Variants in TANC1 observed in about 807,000 individuals in gnomAD.
TANC1 encodes tetratricopeptide repeat, ankyrin repeat and coiled-coil containing 1.
TANC1 carries 77 observed loss-of-function variants against 149.7 expected under a neutral mutation model. The ratio of observed to expected loss-of-function variants is 0.51; its 90% CI spans 0.43 to 0.62. The LOEUF (loss-of-function observed/expected upper bound fraction) is 0.62, where lower values mean the gene tolerates loss of function less well. TANC1 is among the 20% of genes least tolerant of loss of function. The pLI is 0.00. For synonymous variants in TANC1, 854 were observed against 925.0 expected (o/e 0.92, Z 1.39); for missense variants, 1,985 against 2,321.8 (o/e 0.85, Z 2.98).
In TANC1 at chr2:159,229,786, T is replaced by C; in HGVS notation, c.4360T>C (p.Phe1454Leu). The change falls in exon 27 of 27, where the codon TTT becomes CTT. Residue 1454 changes from phenylalanine (F) to leucine (L), a missense_variant. Around this residue, in one of 3 missense-constraint regions of TANC1, gnomAD observed 920 missense variants for 994.7 expected, o/e 0.92. Transcript: ENST00000263635. ...DTPTPGLSDHFHSEETEEEET... is the reference protein window; with the variant it reads ...DTPTPGLSDHLHSEETEEEET... ...CCCAACCCCTGGCTTAAGTGACCACTTTCACTCTGAGGAGACTGAAGAGGA... is the reference window on the plus strand; with the variant it reads ...CCCAACCCCTGGCTTAAGTGACCACCTTCACTCTGAGGAGACTGAAGAGGA... The C allele has an allele frequency of 6.2e-7, 1 of 1,613,850 alleles. No homozygotes were observed. Among genetic ancestry groups the C allele is most frequent in the East Asian group, 2.2e-5 (1 of 44,852 alleles).
At chr2:158,991,927 T>C (rs1300639019) in intron 1 of TANC1, among the ~76,000 whole-genome samples, 1 of 152,184 alleles carries the variant, frequency 6.6e-6, no homozygotes, top group Admixed American at 6.5e-5. Flanking sequence ...ATGGGGGTTT[T>C]TAGAGTTTTC....
At chr2:159,169,452 T>C in intron 9 of TANC1, 80 bp downstream of exon 9, 1 of 1,411,952 alleles carries the variant, frequency 7.1e-7, no homozygotes, top group Non-Finnish European at 9.9e-7. Context: ...TAACCAGCAT[T>C]GAAGCCAACT....
intron 19 of TANC1, among the ~76,000 whole-genome samples, chr2:159,216,492 T>C (rs2059354464): frequency 6.6e-6 from 1 of 152,156 alleles, no homozygotes; most frequent in African/African-American, 2.4e-5. Context: ...TGGGGTTGTT[T>C]CTGCCACCTC....
At chr2:159,209,470 C>T (rs943506114) in intron 19 of TANC1, among the ~76,000 whole-genome samples, 10 of 152,032 alleles carry the variant, frequency 6.6e-5, no homozygotes, top group African/African-American at 1.9e-4. Flanking sequence ...GAAGGTGGGG[C>T]GGGGAGGCAA....
At position 159,198,595 on chromosome 2, in the gene TANC1, C is replaced by T. The variant is rs148339485; in HGVS notation, c.3166-380C>T. 3.3e-3 allele frequency among the ~76,000 whole-genome samples: 509 copies of T among 152,316 alleles called. 3 individuals carry two copies. The highest frequency in any genetic ancestry group is 6.9e-3 in the East Asian group (36 of 5,192). Reference sequence around the variant, plus strand: ...TGTAAAAATTTGCAAAAACGTATATCGCTTTGTTTTCCTTCCTTGTGAAAA... The same window carrying T: ...TGTAAAAATTTGCAAAAACGTATATTGCTTTGTTTTCCTTCCTTGTGAAAA... On this transcript the variant is annotated intron_variant, in intron 18 of 26. Transcript: ENST00000263635.
At chr2:159,143,416 G>A (rs565469134) in intron 5 of TANC1, among the ~76,000 whole-genome samples, 104 of 151,884 alleles carry the variant, frequency 6.8e-4, no homozygotes, top group Non-Finnish European at 2.9e-5. Context: ...AAAATTCATC[G>A]ATGCAGATTG....
chr2:159,163,795 T>C (rs1335982860), intron 8 of TANC1, among the ~76,000 whole-genome samples: 7 of 150,458 alleles, frequency 4.7e-5, no homozygotes, highest in Admixed American at 2.7e-4. Context: ...TCTTTGTATA[T>C]AAGAGAAGAA....
At chr2:159,161,669 A>T (rs932471164) in intron 7 of TANC1, among the ~76,000 whole-genome samples, 1 of 152,230 alleles carries the variant, frequency 6.6e-6, no homozygotes, top group Admixed American at 6.5e-5. Flanking sequence ...CATACTTGCT[A>T]TGCCTATGTT....
intron 4 of TANC1, among the ~76,000 whole-genome samples, chr2:159,101,354 A>G (rs954782011): frequency 6.6e-6 from 1 of 152,346 alleles, no homozygotes. Context: ...TGTTAATACA[A>G]TTGATGATTA....
chr2:159,060,547 AT>A (rs1368224637), intron 2 of TANC1, among the ~76,000 whole-genome samples: 15 of 152,184 alleles, frequency 9.9e-5, no homozygotes, highest in Non-Finnish European at 1.8e-4. Flanking sequence ...TTCTTTGTCA[AT>A]TATAAACTGC....
At position 159,175,100 on chromosome 2, in the gene TANC1, A is replaced by T. The variant is rs1398954140; in HGVS notation, c.1651A>T (p.Met551Leu). 6.2e-7 allele frequency: 1 copy of T among 1,614,218 alleles called. No homozygotes were observed. Among genetic ancestry groups the T allele is most frequent in the Admixed American group, 1.7e-5 (1 of 60,032 alleles). ...GATAAAGGAGCCCCAACTACAGAGC[A>T]TGCTGAGCCTCCGATCCTGTGTGCA... The part of the protein sequence containing the change: ...LLIKEPQLQS[M>L]LSLRSCVQDP... The change falls in exon 12 of 27, where the codon ATG becomes TTG. Residue 551 changes from methionine (M) to leucine (L), a missense_variant. Physicochemically the swap from Met to Leu is conservative, Grantham distance 15. Transcript: ENST00000263635.
chr2:159,155,492 A>G (rs2053328877), intron 7 of TANC1, among the ~76,000 whole-genome samples: 1 of 152,184 alleles, frequency 6.6e-6, no homozygotes, highest in African/African-American at 2.4e-5. Flanking sequence ...AGTTCCATGA[A>G]GGGAGGGGAC....
At chr2:159,207,295 G>A (rs1459144502) in intron 19 of TANC1, among the ~76,000 whole-genome samples, 1 of 152,198 alleles carries the variant, frequency 6.6e-6, no homozygotes, top group Non-Finnish European at 1.5e-5. Flanking sequence ...CAGTTCCTCA[G>A]AAAAAGAGAA....
chr2:159,230,303 CCA>C lies in TANC1; in HGVS notation c.4880_4881del (p.Thr1627ArgfsTer54). ...CACCCTTTACCAAGTAAGACGAAAA[CCA>C]CAGAGAGGCTTCTGTCTCATTCCTC... is the stretch of plus-strand genomic sequence containing the variant. On this transcript the variant is annotated frameshift_variant, in exon 27 of 27. Coordinates refer to ENST00000263635, the MANE Select transcript of TANC1 (RefSeq NM_033394.3). LOFTEE classifies it high-confidence loss of function. This position sits in a 1 kb window ranked among gnomAD's most constrained non-coding sequence, Gnocchi z 4.4. The C allele has an allele frequency of 6.2e-7, 1 of 1,614,170 alleles. No individual in the cohort carries two copies. Among genetic ancestry groups the C allele is most frequent in the Non-Finnish European group, 8.5e-7 (1 of 1,180,040 alleles).
At chr2:159,197,664 G>A (rs2057963031) in intron 18 of TANC1, among the ~76,000 whole-genome samples, 1 of 151,986 alleles carries the variant, frequency 6.6e-6, no homozygotes, top group African/African-American at 2.4e-5. Flanking sequence ...TGAAAATGTA[G>A]ATGTTTTCCT....
rs116255287 is a variant in TANC1, at chr2:159,006,560, A to G, written c.-16+5371A>G. On this transcript the variant is annotated intron_variant, in intron 2 of 26. Transcript: ENST00000263635. ...TAATTACACATTGTTTACTAAAGCT[A>G]TTTCCATTATAAAATATAGAAAAAC... Among the ~76,000 whole-genome samples the G allele has an allele frequency of 2.8e-3, 432 of 152,280 alleles. 1 individual carries two copies. Among genetic ancestry groups the G allele is most frequent in the African/African-American group, 9.6e-3 (399 of 41,548 alleles).
At chr2:159,039,178 T>G (rs987152478) in intron 2 of TANC1, among the ~76,000 whole-genome samples, 18 of 152,230 alleles carry the variant, frequency 1.2e-4, no homozygotes, top group Non-Finnish European at 2.4e-4. Flanking sequence ...TTTGTATTTC[T>G]GTGTGATCAT....
chr2:159,015,461 T>C (rs560735121), intron 2 of TANC1, among the ~76,000 whole-genome samples: 2 of 152,354 alleles, frequency 1.3e-5, no homozygotes, highest in Non-Finnish European at 2.9e-5. Flanking sequence ...ACCTCTGATA[T>C]GCACTGGAGA....
In TANC1 at chr2:159,230,960, G is replaced by C; in HGVS notation, c.5534G>C (p.Ser1845Thr). The C allele has an allele frequency of 1.9e-6, 3 of 1,614,072 alleles. No individual in the cohort carries two copies. Among genetic ancestry groups the C allele is most frequent in the Non-Finnish European group, 2.5e-6 (3 of 1,180,016 alleles). Reference sequence around the variant, plus strand: ...CATATTAGTAATGAAGCCCACAGGAGCCACCTCACTGCAGCCAAACCAAAG... The same window carrying C: ...CATATTAGTAATGAAGCCCACAGGACCCACCTCACTGCAGCCAAACCAAAG... ...QPHISNEAHR[S>T]HLTAAKPKRS... is the part of the protein sequence containing the mutation. The change falls in exon 27 of 27, where the codon AGC becomes ACC. Residue 1845 changes from serine (S) to threonine (T), a missense_variant. Ser to Thr is a moderately conservative substitution (Grantham distance 58). This residue lies in a region of TANC1 where 920 missense variants were observed against 994.7 expected (regional missense o/e 0.92). Coordinates refer to ENST00000263635, the MANE Select transcript of TANC1 (RefSeq NM_033394.3). This position sits in a 1 kb window ranked among gnomAD's most constrained non-coding sequence, Gnocchi z 4.4.
Sources: allele counts gnomAD v4.1 joint callset (sites outside exome capture counted in the v4.1 genomes callset), GRCh38; gene constraint gnomAD v4.1.1; regional missense constraint gnomAD v4.1.1; non-coding constraint Gnocchi (gnomAD v3.1); transcripts MANE v1.5; gene names NCBI Gene and HGNC (gene_info 2026-07-23, HGNC 2026-07-21).